Variants in HSF2 observed in about 807,000 individuals in gnomAD.
HSF2 encodes heat shock factor protein 2.
In HSF2, 21 loss-of-function variants were observed where a neutral mutation model predicts 65.0. The observed-to-expected ratio is 0.32, with a 90% CI of 0.23 to 0.47. HSF2 has a LOEUF of 0.47. Ranked by LOEUF, HSF2 falls within the 20% of genes least tolerant of loss-of-function variation. HSF2 has a pLI of 1.00. For missense variants in HSF2, 499 were observed against 628.1 expected (o/e 0.79, Z 2.20); for synonymous variants, 225 against 219.1 (o/e 1.03, Z -0.24).
intron 4 of HSF2, among the ~76,000 whole-genome samples, chr6:122,414,043 G>A (rs1208238450): frequency 3.9e-5 from 6 of 151,974 alleles, no homozygotes; most frequent in Non-Finnish European, 5.9e-5. Flanking sequence ...TTGTTTAATG[G>A]CTGTCTCTTA....
intron 7 of HSF2, 82 bp downstream of exon 7, chr6:122,420,304 A>T: frequency 9.8e-7 from 1 of 1,018,172 alleles, no homozygotes; most frequent in Non-Finnish European, 1.4e-6. Flanking sequence ...CATTCAAAGA[A>T]GTGTGGTGAA....
At position 122,416,182 on chromosome 6, in the gene HSF2, T is replaced by C. The variant is rs756663561; in HGVS notation, c.456-39T>C. 2.4e-4 allele frequency: 224 copies of C among 921,728 alleles called. 1 individual carries two copies. The East Asian group carries it at 7.2e-3, about 30-fold the overall frequency. The allele number at this position is 921,728 out of a possible 1,614,324, so 57.1% of individuals were successfully genotyped here. A position where few individuals can be genotyped will look rare whatever the true frequency, so the allele number is the denominator to read the frequency against. ...TACTATGGTCTGGTTTTTTGATTGA[T>C]TTTTTTTTTGTTTTGTTGCTTAATA... On this transcript the variant is annotated intron_variant, in intron 4 of 12. Coordinates refer to ENST00000368455, the MANE Select transcript of HSF2 (RefSeq NM_004506.4).
intron 11 of HSF2, among the ~76,000 whole-genome samples, chr6:122,428,443 A>T (rs1774384679): frequency 6.7e-6 from 1 of 149,864 alleles, no homozygotes; most frequent in Non-Finnish European, 1.5e-5. Context: ...AGTAATAAGG[A>T]TTTTTTTTTT....
chr6:122,419,639 A>G (rs1774192598), intron 6 of HSF2, among the ~76,000 whole-genome samples: 1 of 152,144 alleles, frequency 6.6e-6, no homozygotes, highest in Non-Finnish European at 1.5e-5. Context: ...TATCTCAGCC[A>G]TGGGTTGTGA....
chr6:122,400,518 T>C (rs1203598296), intron 1 of HSF2, among the ~76,000 whole-genome samples: 1 of 152,238 alleles, frequency 6.6e-6, no homozygotes, highest in Non-Finnish European at 1.5e-5. Context: ...TAGTAGTTAC[T>C]AAATTTCGCT....
At chr6:122,403,189 AGG>A (rs1423782286) in intron 1 of HSF2, among the ~76,000 whole-genome samples, 1 of 152,168 alleles carries the variant, frequency 6.6e-6, no homozygotes, top group Non-Finnish European at 1.5e-5. Flanking sequence ...AAAATTGAAA[AGG>A]GAAATAATAC....
chr6:122,399,845 C>G lies in HSF2; in HGVS notation c.93+15C>G. On this transcript the variant is annotated intron_variant, in intron 1 of 12. Coordinates refer to ENST00000368455, the MANE Select transcript of HSF2 (RefSeq NM_004506.4). ...CCTGGAGCCAGGTACGGTCAGGCCA[C>G]GGCGGCCTCTGAACCCCCTGAATAA... 7 of 1,599,812 alleles carry G rather than the reference C, an allele frequency of 4.4e-6. No homozygotes were observed. Among genetic ancestry groups the G allele is most frequent in the Non-Finnish European group, 5.1e-6 (6 of 1,168,296 alleles).
At chr6:122,428,590 G>T (rs558027442) in intron 11 of HSF2, among the ~76,000 whole-genome samples, 24 of 152,024 alleles carry the variant, frequency 1.6e-4, no homozygotes, top group Admixed American at 2.6e-4. Flanking sequence ...TAACTTAATT[G>T]TCATGAATAG....
upstream of HSF2, chr6:122,399,585 G>A (rs1203876791): frequency 4.8e-6 from 3 of 619,694 alleles, no homozygotes; most frequent in Non-Finnish European, 8.3e-6. Flanking sequence ...CGGCCTCTCG[G>A]CCTTGCCGCG....
intron 12 of HSF2, 22 bp from the exon 13 acceptor site, chr6:122,431,903 A>T (rs1774478634): frequency 5.6e-6 from 9 of 1,595,828 alleles, no homozygotes; most frequent in Non-Finnish European, 7.7e-6. Context: ...GTGATAAAAG[A>T]GTGTTTTTCT....
intron 1 of HSF2, among the ~76,000 whole-genome samples, chr6:122,409,497 T>A (rs566605): frequency 0.55 from 82,663 of 151,658 alleles, 22,769 homozygotes; most frequent in South Asian, 0.68. Flanking sequence ...GATGGGTAGA[T>A]TGAAAAAGAA....
At position 122,399,668 on chromosome 6, in the gene HSF2, T is replaced by TGCCGGAGCTGCTGCCGTAGCTGCC. The variant is rs1554207207; in HGVS notation, c.-66_-65insGAGCTGCTGCCGTAGCTGCCGCCG. ...GTTGTGGGCGTTCTCGGGGAGCTGC[T>TGCCGGAGCTGCTGCCGTAGCTGCC]GCCGTAGCTGCCGCCGCCGCTACCA... On this transcript the variant is annotated 5_prime_UTR_variant, in exon 1 of 13. Transcript: ENST00000368455. The TGCCGGAGCTGCTGCCGTAGCTGCC allele has an allele frequency of 1.6e-6, 2 of 1,238,826 alleles. No homozygotes were observed. The highest frequency in any genetic ancestry group is 3.0e-5 in the African/African-American group (2 of 66,056). The allele number at this position is 1,238,826 out of a possible 1,614,324, so 76.7% of individuals were successfully genotyped here. A position where few individuals can be genotyped will look rare whatever the true frequency, so the allele number is the denominator to read the frequency against.
chr6:122,422,686 G>A (rs1301470657), intron 8 of HSF2, 32 bp from the exon 9 acceptor site: 10 of 1,603,812 alleles, frequency 6.2e-6, no homozygotes, highest in African/African-American at 1.3e-5. Flanking sequence ...ATTTGAAAAT[G>A]TAATAGGTTC....
At chr6:122,423,254 G>C (rs1398158921) in intron 9 of HSF2, among the ~76,000 whole-genome samples, 2 of 152,040 alleles carry the variant, frequency 1.3e-5, no homozygotes, top group Non-Finnish European at 2.9e-5. Flanking sequence ...GTAATTTCTA[G>C]TAAGGTACTT....
At chr6:122,431,029 A>G in intron 11 of HSF2, among the ~76,000 whole-genome samples, 1 of 152,184 alleles carries the variant, frequency 6.6e-6, no homozygotes, top group East Asian at 1.9e-4. Context: ...AGTGAAATGT[A>G]TAATACATTT....
chr6:122,402,829 G>C (rs1392365693), intron 1 of HSF2, among the ~76,000 whole-genome samples: 1 of 152,112 alleles, frequency 6.6e-6, no homozygotes, highest in Non-Finnish European at 1.5e-5. Flanking sequence ...TGAGATTACA[G>C]GTGTGAGCCA....
intron 1 of HSF2, among the ~76,000 whole-genome samples, chr6:122,407,733 T>G (rs935450637): frequency 1.3e-5 from 2 of 152,194 alleles, no homozygotes; most frequent in Admixed American, 1.3e-4. Context: ...TCCAATGATC[T>G]ATATTGCCAC....
intron 4 of HSF2, among the ~76,000 whole-genome samples, chr6:122,414,260 T>G (rs1419194024): frequency 1.3e-5 from 2 of 152,198 alleles, no homozygotes; most frequent in Non-Finnish European, 2.9e-5. Context: ...AACTTGTGTA[T>G]AGAGTAGATA....
At chr6:122,418,401 C>T (rs929117423) in intron 5 of HSF2, among the ~76,000 whole-genome samples, 1 of 152,172 alleles carries the variant, frequency 6.6e-6, no homozygotes, top group African/African-American at 2.4e-5. Flanking sequence ...GAGAATTTAA[C>T]ATATCCAAAG....
Sources: gnomAD v4.1 joint callset for allele counts (sites outside exome capture counted in the v4.1 genomes callset) on GRCh38, gnomAD v4.1.1 for gene constraint, MANE v1.5 for transcripts, NCBI Gene and HGNC (gene_info 2026-07-23, HGNC 2026-07-21) for gene names.